Variants in FAM13A observed in about 807,000 individuals in gnomAD.
The protein encoded by FAM13A is protein FAM13A.
In FAM13A, 76 loss-of-function variants were observed where a neutral mutation model predicts 129.6. The ratio of observed to expected loss-of-function variants is 0.59; its 90% CI spans 0.49 to 0.71. The LOEUF (loss-of-function observed/expected upper bound fraction) is 0.71, where lower values mean the gene tolerates loss of function less well. Ranked by LOEUF, FAM13A falls within the 30% of genes least tolerant of loss-of-function variation. The probability of loss-of-function intolerance (pLI) is 0.00; values close to 1 mark genes in which losing one functional copy is unlikely to be tolerated. For missense variants in FAM13A, 1,108 were observed against 1,249.3 expected, an observed-to-expected ratio of 0.89 and a Z score of 1.70; for synonymous variants, 443 against 449.9, an observed-to-expected ratio of 0.98 and a Z score of 0.20.
chr4:89,050,450 C>T (rs762072162), intron 1 of FAM13A, among the ~76,000 whole-genome samples: 1 of 152,006 alleles, frequency 6.6e-6, no homozygotes. Flanking sequence ...AAGTGATCCA[C>T]CTGCATTGGC....
chr4:88,769,616 G>A (rs186851424), intron 11 of FAM13A, among the ~76,000 whole-genome samples: 7 of 152,066 alleles, frequency 4.6e-5, no homozygotes, highest in East Asian at 1.9e-4. Context: ...GGCAGATCAC[G>A]AGGTCAAGAG....
At chr4:88,817,044 G>T (rs1730870615) in intron 7 of FAM13A, among the ~76,000 whole-genome samples, 1 of 152,056 alleles carries the variant, frequency 6.6e-6, no homozygotes, top group African/African-American at 2.4e-5. Context: ...ATATTATTCA[G>T]CCATAAAAAG....
At chr4:88,963,743 A>G (rs1192927458) in intron 4 of FAM13A, among the ~76,000 whole-genome samples, 1 of 152,230 alleles carries the variant, frequency 6.6e-6, no homozygotes, top group Non-Finnish European at 1.5e-5. Flanking sequence ...TATATATTTT[A>G]GGGACCAGTC....
intron 4 of FAM13A, among the ~76,000 whole-genome samples, chr4:88,938,952 AGT>A (rs985323037): frequency 1.4e-4 from 21 of 152,202 alleles, no homozygotes; most frequent in African/African-American, 5.1e-4. Flanking sequence ...AAAAGACATG[AGT>A]TGGAAATGTT....
chr4:88,960,295 T>A (rs1316474326), intron 4 of FAM13A, among the ~76,000 whole-genome samples: 2 of 152,244 alleles, frequency 1.3e-5, no homozygotes, highest in African/African-American at 4.8e-5. Context: ...TAACACAATT[T>A]TCAACATCCT....
At chr4:88,820,093 T>G (rs76543575) in intron 7 of FAM13A, among the ~76,000 whole-genome samples, 4,996 of 152,322 alleles carry the variant, frequency 0.033, 278 homozygotes, top group African/African-American at 0.11. Context: ...CATTCTCATC[T>G]TGGCTACAGA....
At chr4:88,809,790 T>C (rs890401477) in intron 7 of FAM13A, among the ~76,000 whole-genome samples, 1 of 151,130 alleles carries the variant, frequency 6.6e-6, no homozygotes, top group African/African-American at 2.4e-5. Flanking sequence ...GGGAGGTACG[T>C]GGCAGCCACT....
At position 88,726,996 on chromosome 4, in the gene FAM13A, T is replaced by C. The variant is rs1170598338; in HGVS notation, c.*1537A>G. The C allele has an allele frequency of 6.6e-6, 1 of 152,334 alleles. No homozygotes were observed. The highest frequency in any genetic ancestry group is 6.5e-5 in the Admixed American group (1 of 15,290). The allele number at this position is 152,334 out of a possible 1,614,324, so 9.4% of individuals were successfully genotyped here. A position where few individuals can be genotyped will look rare whatever the true frequency, so the allele number is the denominator to read the frequency against. ...ATGGAAAATGTTGCTGTAAATCCCA[T>C]TGGACCAGCCAGTTTCTCACGACCC... On this transcript the variant is annotated 3_prime_UTR_variant, in exon 24 of 24. Coordinates refer to ENST00000264344, the MANE Select transcript of FAM13A (RefSeq NM_014883.4).
intron 8 of FAM13A, among the ~76,000 whole-genome samples, chr4:88,801,700 G>A (rs555391256): frequency 1.3e-5 from 2 of 152,234 alleles, no homozygotes; most frequent in Admixed American, 6.5e-5. Context: ...ATTAAACACA[G>A]GTTCTACATA....
At chr4:88,892,067 G>A (rs993554184) in intron 6 of FAM13A, among the ~76,000 whole-genome samples, 2 of 151,952 alleles carry the variant, frequency 1.3e-5, no homozygotes, top group African/African-American at 4.8e-5. Flanking sequence ...TAAGCTATTC[G>A]GGAGTCTGAG....
At chr4:88,980,225 CAT>C (rs1186478304) in intron 4 of FAM13A, among the ~76,000 whole-genome samples, 9 of 152,104 alleles carry the variant, frequency 5.9e-5, no homozygotes, top group Admixed American at 2.0e-4. Flanking sequence ...CATAAGCTGA[CAT>C]GTGGGGATTA....
intron 1 of FAM13A, among the ~76,000 whole-genome samples, chr4:89,051,501 T>A (rs757102444): frequency 2.6e-5 from 4 of 152,204 alleles, no homozygotes; most frequent in Admixed American, 6.5e-5. Flanking sequence ...AAAATTCGTA[T>A]CCTTTTCGCA....
intron 11 of FAM13A, among the ~76,000 whole-genome samples, chr4:88,777,268 G>C (rs1015217807): frequency 3.3e-5 from 5 of 152,140 alleles, no homozygotes; most frequent in African/African-American, 1.2e-4. Flanking sequence ...TTAGAGGTTA[G>C]TTTTAGAATT....
intron 7 of FAM13A, among the ~76,000 whole-genome samples, chr4:88,806,076 C>T (rs1353388004): frequency 6.6e-6 from 1 of 152,118 alleles, no homozygotes; most frequent in Admixed American, 6.5e-5. Flanking sequence ...ATGAATCCCT[C>T]CCCCTTGCGG....
intron 21 of FAM13A, among the ~76,000 whole-genome samples, chr4:88,735,406 T>C: frequency 6.6e-6 from 1 of 152,234 alleles, no homozygotes; most frequent in Non-Finnish European, 1.5e-5. Context: ...ACTCCTTCCA[T>C]TGCTGTAAAC....
chr4:88,952,404 C>T (rs1757080671), intron 4 of FAM13A, among the ~76,000 whole-genome samples: 4 of 151,986 alleles, frequency 2.6e-5, no homozygotes, highest in Admixed American at 2.6e-4. Flanking sequence ...GCTATCAAAA[C>T]AGAGAGAAAA....
chr4:88,909,493 A>ATTT (rs201649723), intron 5 of FAM13A, among the ~76,000 whole-genome samples: 1 of 144,830 alleles, frequency 6.9e-6, no homozygotes, highest in African/African-American at 2.5e-5. Flanking sequence ...GAGGTTTTTT[A>ATTT]TTTTTTTTTT....
intron 8 of FAM13A, among the ~76,000 whole-genome samples, chr4:88,800,554 G>A (rs1306393083): frequency 1.3e-5 from 2 of 151,526 alleles, no homozygotes; most frequent in Non-Finnish European, 3.0e-5. Flanking sequence ...GTGTAGTGGC[G>A]GGTGCCTGTA....
In FAM13A at chr4:89,025,510, C is replaced by T. The variant is rs1366237024; in HGVS notation, c.217+3950G>A. ...CGATCTCCTGACCTCATGATCCACC[C>T]GCCTCGGCCTCCCAAAGTGCTGGGA... On this transcript the variant is annotated intron_variant, in intron 2 of 23. Transcript: ENST00000264344. Among the ~76,000 whole-genome samples the T allele has an allele frequency of 5.9e-5, 9 of 151,364 alleles. No individual in the cohort carries two copies. The East Asian group carries it at 9.7e-4, about 16-fold the overall frequency.
Sources: gnomAD v4.1 joint callset for allele counts (sites outside exome capture counted in the v4.1 genomes callset) on GRCh38, gnomAD v4.1.1 for gene constraint, MANE v1.5 for transcripts, NCBI Gene and HGNC (gene_info 2026-07-23, HGNC 2026-07-21) for gene names.